The following TUB variants were observed in gnomAD, a reference collection of about 807,000 sequenced individuals.
The protein encoded by TUB is TUB bipartite transcription factor.
A neutral mutation model predicts 59.7 loss-of-function variants in TUB; 33 were observed. The observed-to-expected ratio is 0.55, with a 90% CI of 0.42 to 0.74. The LOEUF (loss-of-function observed/expected upper bound fraction) is 0.74, where lower values mean the gene tolerates loss of function less well. Among genes scored for constraint, TUB ranks in the 30% least tolerant of loss-of-function variants. TUB has a pLI of 0.00. For missense variants in TUB, 659 were observed against 672.0 expected (o/e 0.98, Z 0.21); for synonymous variants, 293 against 256.4 (o/e 1.14, Z -1.36).
chr11:8,022,844 G>A (rs893652605), intron 1 of TUB, among the ~76,000 whole-genome samples: 9 of 152,098 alleles, frequency 5.9e-5, no homozygotes, highest in African/African-American at 2.2e-4. Flanking sequence ...CAGTGCAGTG[G>A]AGATCGTGCC....
In TUB at chr11:8,093,106, C is replaced by T. The variant is rs377345457; in HGVS notation, c.254-940C>T. 1.9e-4 allele frequency among the ~76,000 whole-genome samples: 29 copies of T among 152,174 alleles called. 1 individual carries two copies. The highest frequency in any genetic ancestry group is 5.5e-4 in the African/African-American group (23 of 41,510). ...AGAGACAATGTTAAACAGATGGTCA[C>T]GGGGTTGCTTTGTGGAAGGAAGCCA... On this transcript the variant is annotated intron_variant, in intron 3 of 11. Transcript: ENST00000299506.
rs61230883 is a variant in TUB at position 8,064,751 on chromosome 11, G to A, written c.204-24859G>A. Among the ~76,000 whole-genome samples the A allele has an allele frequency of 5.7e-3, 875 of 152,330 alleles. 4 individuals carry two copies. Among genetic ancestry groups the A allele is most frequent in the African/African-American group, 0.02 (813 of 41,556 alleles). On this transcript the variant is annotated intron_variant, in intron 2 of 12. Coordinates refer to the TUB transcript ENST00000305253. The stretch of plus-strand genomic sequence containing the variant: ...AGGTGCCATGGCTGTTGCAGACAGG[G>A]CCACAGGGCCTCCTGGGATCTCAGA...
rs374228261 is a variant in TUB at position 8,031,961 on chromosome 11, G to A, written c.56+12603G>A. ...TGGCGGCGTGTCCTTGGGCCAGTTC[G>A]GTCCCATCCCCCTGCCTAGCTCTGG... On this transcript the variant is annotated intron_variant, in intron 1 of 11. Coordinates refer to the TUB transcript ENST00000534099. Among the ~76,000 whole-genome samples the A allele has an allele frequency of 2.6e-5, 4 of 152,286 alleles. No homozygotes were observed. In the South Asian group the frequency reaches 8.3e-4, roughly 32 times the overall value.
At chr11:8,097,132 C>T in intron 6 of TUB, 96 bp from the exon 7 acceptor site, 1 of 1,389,480 alleles carries the variant, frequency 7.2e-7, no homozygotes, top group Non-Finnish European at 1.0e-6. Context: ...TCCCTCTCTC[C>T]CACCGCCACG....
At position 8,056,656 on chromosome 11, in the gene TUB, A is replaced by G. The variant is rs1352926821; in HGVS notation, c.203+16964A>G. 7.2e-5 allele frequency among the ~76,000 whole-genome samples: 11 copies of G among 152,044 alleles called. 1 individual carries two copies. The highest frequency in any genetic ancestry group is 5.9e-4 in the Admixed American group (9 of 15,268). On this transcript the variant is annotated intron_variant, in intron 2 of 12. Transcript: ENST00000305253. Reference sequence around the variant, plus strand: ...TGGGGTGTGGTTTGGGTATGCAGGTAGGCTGTGTGTGAGGTAGAGCTGGAG... The same window carrying G: ...TGGGGTGTGGTTTGGGTATGCAGGTGGGCTGTGTGTGAGGTAGAGCTGGAG...
chr11:8,049,491 G>A (rs1025815835), intron 2 of TUB, among the ~76,000 whole-genome samples: 2 of 150,866 alleles, frequency 1.3e-5, no homozygotes, highest in African/African-American at 4.9e-5. Flanking sequence ...TACCCCTCAG[G>A]AAAAGAAGTA....
At chr11:8,080,154 C>T (rs1943519207), upstream of TUB, among the ~76,000 whole-genome samples, 1 of 152,146 alleles carries the variant, frequency 6.6e-6, no homozygotes, top group South Asian at 2.1e-4. Context: ...CAGTCCTGAC[C>T]GCCTATTTAT....
At chr11:8,020,560 G>T (rs1197922429) in intron 1 of TUB, among the ~76,000 whole-genome samples, 1 of 152,132 alleles carries the variant, frequency 6.6e-6, no homozygotes, top group African/African-American at 2.4e-5. Flanking sequence ...TTATTCACCT[G>T]TGTCTTGTTT....
chr11:8,046,894 C>CACTA (rs1348615126), intron 2 of TUB, among the ~76,000 whole-genome samples: 1 of 152,174 alleles, frequency 6.6e-6, no homozygotes, highest in Non-Finnish European at 1.5e-5. Context: ...AATACACTAG[C>CACTA]ACTAACGACA....
At chr11:8,101,126 A>C in intron 11 of TUB, 129 bp downstream of exon 11, 2 of 1,144,978 alleles carry the variant, frequency 1.7e-6, no homozygotes, top group Non-Finnish European at 2.5e-6. Context: ...CTAAGGTTAG[A>C]TGTATGGAAC....
chr11:8,036,329 A>T (rs980659267), upstream of TUB, among the ~76,000 whole-genome samples: 24 of 152,224 alleles, frequency 1.6e-4, no homozygotes, highest in African/African-American at 5.8e-4. Context: ...GGCAGTAGTA[A>T]GTCATTCTAT....
chr11:8,088,849 G>T (rs555960814), intron 1 of TUB, among the ~76,000 whole-genome samples: 1 of 152,340 alleles, frequency 6.6e-6, no homozygotes, highest in South Asian at 2.1e-4. Flanking sequence ...GACTGGTGGG[G>T]CTCAAGAATT....
At chr11:8,077,190 C>T (rs1371662810), upstream of TUB, 1 of 152,262 alleles carries the variant, frequency 6.6e-6, no homozygotes. Context: ...TTATTTCTTT[C>T]TAAAGGTTAC....
chr11:8,046,900 C>T (rs572444621), intron 2 of TUB, among the ~76,000 whole-genome samples: 76 of 152,262 alleles, frequency 5.0e-4, no homozygotes, highest in Non-Finnish European at 6.6e-4. Flanking sequence ...CTAGCACTAA[C>T]GACAGCTGCT....
At chr11:8,025,828 C>A (rs539402693) in intron 1 of TUB, among the ~76,000 whole-genome samples, 69 of 152,292 alleles carry the variant, frequency 4.5e-4, no homozygotes, top group African/African-American at 1.6e-3. Context: ...AAATACCTAG[C>A]AAAGCAGTGG....
At chr11:8,070,522 C>G (rs964463269) in intron 2 of TUB, among the ~76,000 whole-genome samples, 2 of 152,092 alleles carry the variant, frequency 1.3e-5, no homozygotes, top group African/African-American at 4.8e-5. Context: ...CTTGTTGATT[C>G]CCTTACATTT....
chr11:8,036,306 G>A (rs529679074), upstream of TUB, among the ~76,000 whole-genome samples: 2 of 152,132 alleles, frequency 1.3e-5, no homozygotes, highest in African/African-American at 4.8e-5. Flanking sequence ...AGAGCCAGCT[G>A]GTCATCTAGC....
intron 1 of TUB, among the ~76,000 whole-genome samples, chr11:8,088,460 G>A (rs1943709669): frequency 6.6e-6 from 1 of 152,212 alleles, no homozygotes; most frequent in Non-Finnish European, 1.5e-5. Context: ...CTTCACACGA[G>A]CACACCCACT....
chr11:8,093,390 C>CT (rs141409583), intron 3 of TUB, among the ~76,000 whole-genome samples: 4,107 of 152,170 alleles, frequency 0.027, 72 homozygotes, highest in African/African-American at 0.052. Context: ...TATTTTAGAC[C>CT]TAGGGGAAGG....
Sources: allele counts gnomAD v4.1 joint callset (sites outside exome capture counted in the v4.1 genomes callset), GRCh38; gene constraint gnomAD v4.1.1; transcripts MANE v1.5; gene names NCBI Gene and HGNC (gene_info 2026-07-23, HGNC 2026-07-21).